GMPR: variants seen among roughly 807,000 people sequenced by gnomAD.
GMPR encodes guanosine monophosphate reductase.
In GMPR, 31 loss-of-function variants were observed where a neutral mutation model predicts 38.4. The observed-to-expected ratio is 0.81, with a 90% CI of 0.61 to 1.09. The LOEUF is 1.09. GMPR is among the 50% of genes least tolerant of loss of function. The probability of loss-of-function intolerance (pLI) is 0.00; values close to 1 mark genes in which losing one functional copy is unlikely to be tolerated. For missense variants in GMPR, 468 were observed against 453.7 expected (o/e 1.03, Z -0.29); for synonymous variants, 162 against 173.3 (o/e 0.93, Z 0.51).
At position 16,286,166 on chromosome 6, in the gene GMPR, T is replaced by A. The variant is rs368133516; in HGVS notation, c.697+331T>A. Among the ~76,000 whole-genome samples, 26 of 148,614 alleles carry A rather than the reference T, an allele frequency of 1.7e-4. 1 individual carries two copies. In the East Asian group the frequency reaches 4.5e-3, roughly 26 times the overall value. ...TGATGTGTAACAACTACAGAGGGGG[T>A]TTTTTGGACCCAGCTTGGAGAAGTC... On this transcript the variant is annotated intron_variant, in intron 7 of 8. Transcript: ENST00000259727.
chr6:16,266,080 G>A lies in GMPR; in HGVS notation c.466-8335G>A, dbSNP rs577825371. On this transcript the variant is annotated intron_variant, in intron 4 of 8. Transcript: ENST00000259727. ...GTGGGAGGAATGAACAACTCCCGAC[G>A]GGCTACCTTTAAGAGCTGTAACACT... Among the ~76,000 whole-genome samples, 5 of 151,386 alleles carry A rather than the reference G, an allele frequency of 3.3e-5. No individual in the cohort carries two copies. In the South Asian group the frequency reaches 8.4e-4, roughly 25 times the overall value.
Position 16,270,579 on chromosome 6 carries a change from AC to A in GMPR, c.466-3835del, listed in dbSNP as rs534956514. Among the ~76,000 whole-genome samples the A allele has an allele frequency of 7.7e-3, 1,161 of 150,844 alleles. 19 individuals are homozygous for A. The highest frequency in any genetic ancestry group is 0.026 in the African/African-American group (1,087 of 41,030). On this transcript the variant is annotated intron_variant, in intron 4 of 8. Coordinates refer to ENST00000259727, the MANE Select transcript of GMPR (RefSeq NM_006877.4). ...GGGGACTTCACTAAAGCCTGACCAC[AC>A]TCCTGTCATATTCTCATTTCTGATT...
At chr6:16,294,833 C>A (rs529791620) in intron 8 of GMPR, among the ~76,000 whole-genome samples, 173 bp from the exon 9 acceptor site, 1 of 152,292 alleles carries the variant, frequency 6.6e-6, no homozygotes, top group Non-Finnish European at 1.5e-5. Flanking sequence ...ATCTGAGATG[C>A]TGGTGATCAT....
chr6:16,256,390 C>T (rs1758976727), intron 4 of GMPR, among the ~76,000 whole-genome samples: 1 of 148,742 alleles, frequency 6.7e-6, no homozygotes, highest in African/African-American at 2.5e-5. Context: ...ATTAGCCAGG[C>T]ATGGTGGCAG....
At chr6:16,283,015 G>A (rs1054781160) in intron 6 of GMPR, among the ~76,000 whole-genome samples, 3 of 151,776 alleles carry the variant, frequency 2.0e-5, no homozygotes, top group East Asian at 1.9e-4. Context: ...CACCATGTTC[G>A]CCAGGCTGGT....
intron 4 of GMPR, among the ~76,000 whole-genome samples, chr6:16,273,726 G>C (rs989526658): frequency 6.6e-6 from 1 of 151,738 alleles, no homozygotes; most frequent in African/African-American, 2.4e-5. Context: ...TGCAAACTGT[G>C]AAACATTTTT....
chr6:16,259,583 G>A (rs1009590878), intron 4 of GMPR, among the ~76,000 whole-genome samples: 5 of 151,976 alleles, frequency 3.3e-5, no homozygotes. Flanking sequence ...CCTAGAGTGG[G>A]AGAGATTAAG....
In GMPR at chr6:16,290,936, G is replaced by A. The variant is rs190448012; in HGVS notation, c.857+315G>A. On this transcript the variant is annotated intron_variant, in intron 8 of 8. Transcript: ENST00000259727. ...ATTATTGTCTTGTCCTTCCAGTAGA[G>A]CCTGTGCTGAGCTATCCCTGTAAGC... Among the ~76,000 whole-genome samples the A allele has an allele frequency of 5.3e-5, 8 of 152,292 alleles. No individual in the cohort carries two copies. The East Asian group carries it at 1.5e-3, about 29-fold the overall frequency.
intron 4 of GMPR, among the ~76,000 whole-genome samples, chr6:16,266,265 G>A (rs771938733): frequency 2.6e-5 from 4 of 151,742 alleles, no homozygotes; most frequent in Non-Finnish European, 2.9e-5. Context: ...CACTCACTGC[G>A]AAGGTCTGAG....
chr6:16,254,713 A>T lies in GMPR; in HGVS notation c.443A>T (p.Lys148Ile), dbSNP rs775417897. ...GAATTCGTGAAACTTGTCCGTGCCA[A>T]ATTTCCTGAACACACCATTATGGTA... is the stretch of plus-strand genomic sequence containing the variant. ...FVEFVKLVRA[K>I]FPEHTIMAGN... The change falls in exon 4 of 9, where the codon AAA becomes ATA. Residue 148 changes from lysine (K) to isoleucine (I), a missense_variant. Coordinates refer to ENST00000259727, the MANE Select transcript of GMPR (RefSeq NM_006877.4). 10 of 1,613,446 alleles carry T rather than the reference A, an allele frequency of 6.2e-6. No individual in the cohort carries two copies. Among genetic ancestry groups the T allele is most frequent in the Non-Finnish European group, 8.5e-6 (10 of 1,179,474 alleles).
At chr6:16,260,688 T>C (rs973976266) in intron 4 of GMPR, among the ~76,000 whole-genome samples, 11 of 152,046 alleles carry the variant, frequency 7.2e-5, no homozygotes, top group Non-Finnish European at 1.6e-4. Context: ...GCTTGTACTA[T>C]AGCATAGCCT....
chr6:16,290,845 C>T (rs951804139), intron 8 of GMPR, among the ~76,000 whole-genome samples: 2 of 152,112 alleles, frequency 1.3e-5, no homozygotes, highest in African/African-American at 4.8e-5. Flanking sequence ...GGAAGTGTGA[C>T]CAGGGTTATA....
chr6:16,245,390 G>A (rs1181677077), intron 1 of GMPR, among the ~76,000 whole-genome samples: 5 of 152,162 alleles, frequency 3.3e-5, no homozygotes, highest in Non-Finnish European at 5.9e-5. Context: ...GTCCCATGGT[G>A]TTTTCTGACT....
chr6:16,286,579 G>A (rs1244093645), intron 7 of GMPR, among the ~76,000 whole-genome samples: 2 of 151,944 alleles, frequency 1.3e-5, no homozygotes, highest in South Asian at 4.1e-4. Context: ...GAAACTTTAT[G>A]TCATAGGAAT....
chr6:16,288,684 A>G (rs1759751530), intron 7 of GMPR, among the ~76,000 whole-genome samples: 1 of 152,218 alleles, frequency 6.6e-6, no homozygotes, highest in East Asian at 1.9e-4. Context: ...CTGCAGCCCC[A>G]GTGCGGATCC....
At chr6:16,285,972 T>C in intron 7 of GMPR, 137 bp downstream of exon 7, 2 of 754,028 alleles carry the variant, frequency 2.7e-6, no homozygotes, top group South Asian at 3.1e-5. Flanking sequence ...TCTCCCTGGG[T>C]TTCAGCCCCA....
In GMPR at chr6:16,294,987, A is replaced by G. The variant is rs1447772114; in HGVS notation, c.858-19A>G. Reference sequence around the variant, plus strand: ...GGGGCGGGAAACTAGATAAAAAGAAAACTTCTATCGTCTTCCAGAGCCTCT... The same window carrying G: ...GGGGCGGGAAACTAGATAAAAAGAAGACTTCTATCGTCTTCCAGAGCCTCT... On this transcript the variant is annotated intron_variant, in intron 8 of 8. Coordinates refer to ENST00000259727, the MANE Select transcript of GMPR (RefSeq NM_006877.4). 6.3e-7 allele frequency: 1 copy of G among 1,597,026 alleles called. No homozygotes were observed. Among genetic ancestry groups the G allele is most frequent in the Non-Finnish European group, 8.5e-7 (1 of 1,170,300 alleles).
At chr6:16,262,020 C>T (rs1481134849) in intron 4 of GMPR, among the ~76,000 whole-genome samples, 1 of 151,570 alleles carries the variant, frequency 6.6e-6, no homozygotes, top group Non-Finnish European at 1.5e-5. Context: ...AAAAGAGTAA[C>T]GTCTAAGTGG....
At chr6:16,286,404 T>C (rs1436733336) in intron 7 of GMPR, among the ~76,000 whole-genome samples, 1 of 151,718 alleles carries the variant, frequency 6.6e-6, no homozygotes, top group Non-Finnish European at 1.5e-5. Flanking sequence ...TGCCGAGCCA[T>C]GTGTTGGCCA....
Sources: allele counts gnomAD v4.1 joint callset (sites outside exome capture counted in the v4.1 genomes callset), GRCh38; gene constraint gnomAD v4.1.1; transcripts MANE v1.5; gene names NCBI Gene and HGNC (gene_info 2026-07-23, HGNC 2026-07-21).